Variants in TXNRD3 observed in about 807,000 individuals in gnomAD.
The protein encoded by TXNRD3 is thioredoxin reductase 3, also known as TXNRD3 neighbor gene protein.
Under a neutral mutation model 78.2 loss-of-function variants are expected in TXNRD3, and 68 were observed. The observed-to-expected ratio is 0.87, with a 90% confidence interval of 0.72 to 1.06. TXNRD3 has a LOEUF of 1.06. Among genes scored for constraint, TXNRD3 ranks in the 50% least tolerant of loss-of-function variants. The probability of loss-of-function intolerance (pLI) is 0.00; values close to 1 mark genes in which losing one functional copy is unlikely to be tolerated. For synonymous variants in TXNRD3, 296 were observed against 300.1 expected (o/e 0.99, Z 0.14); for missense variants, 751 against 809.5 (o/e 0.93, Z 0.88).
chr3:126,636,960 G>A (rs547521469), intron 6 of TXNRD3, among the ~76,000 whole-genome samples: 1 of 150,910 alleles, frequency 6.6e-6, no homozygotes. Context: ...GCTATTGTTA[G>A]TGTATTTTAT....
chr3:126,615,809 G>C lies in TXNRD3; in HGVS notation c.1525-347C>G, dbSNP rs151196141. On this transcript the variant is annotated intron_variant, in intron 12 of 15. Transcript: ENST00000524230. ...TTTTCTTTCCATGCCCATGATTCTGGGCTCTGCTCCTGGAGCACTTCTTCC... is the reference window on the plus strand; with the variant it reads ...TTTTCTTTCCATGCCCATGATTCTGCGCTCTGCTCCTGGAGCACTTCTTCC... Among the ~76,000 whole-genome samples the C allele has an allele frequency of 8.5e-5, 13 of 152,250 alleles. No homozygotes were observed. In the East Asian group the frequency reaches 2.5e-3, roughly 29 times the overall value.
intron 6 of TXNRD3, among the ~76,000 whole-genome samples, chr3:126,634,791 G>C (rs1009446929): frequency 1.1e-4 from 16 of 152,120 alleles, no homozygotes; most frequent in African/African-American, 3.4e-4. Flanking sequence ...TGAGATCCCC[G>C]AAGACAAACC....
intron 10 of TXNRD3, among the ~76,000 whole-genome samples, chr3:126,624,383 T>G (rs1029851976): frequency 6.6e-6 from 1 of 151,836 alleles, no homozygotes; most frequent in Non-Finnish European, 1.5e-5. Context: ...AAACGGTCTA[T>G]GAGAAGAGCA....
intron 6 of TXNRD3, among the ~76,000 whole-genome samples, chr3:126,636,940 T>A (rs1415938705): frequency 6.6e-6 from 1 of 151,876 alleles, no homozygotes; most frequent in South Asian, 2.1e-4. Flanking sequence ...TTTTTTTTTT[T>A]AGCTCATCAG....
rs1433558194 is a variant in TXNRD3, at chr3:126,621,996, C to T, written c.1368-98G>A. 5.8e-6 allele frequency: 6 copies of T among 1,036,228 alleles called. No homozygotes were observed. In the South Asian group the frequency reaches 8.4e-5, roughly 15 times the overall value. 64.2% of individuals were successfully genotyped at this position (1,036,228 alleles called of 1,614,324 possible). A position where few individuals can be genotyped will look rare whatever the true frequency, so the allele number is the denominator to read the frequency against. On this transcript the variant is annotated intron_variant, in intron 11 of 15. Transcript: ENST00000524230. ...GCCAAAAGACTAAATACATAGAAGA[C>T]CTCTTAAAATTCACGCACCTCAGGA...
At chr3:126,627,513 A>T (rs1938607664) in intron 10 of TXNRD3, among the ~76,000 whole-genome samples, 1 of 152,184 alleles carries the variant, frequency 6.6e-6, no homozygotes, top group South Asian at 2.1e-4. Context: ...TGAACTGTAC[A>T]CCTAGGATCT....
chr3:126,631,243 T>C (rs1331872607), intron 8 of TXNRD3, among the ~76,000 whole-genome samples: 1 of 151,970 alleles, frequency 6.6e-6, no homozygotes, highest in African/African-American at 2.4e-5. Flanking sequence ...TATGTACGTA[T>C]GTGCTATGTG....
chr3:126,651,050 C>A (rs1278696122), intron 1 of TXNRD3, among the ~76,000 whole-genome samples: 1 of 152,146 alleles, frequency 6.6e-6, no homozygotes, highest in African/African-American at 2.4e-5. Flanking sequence ...TTATTGAATG[C>A]CATTAGCAGC....
intron 4 of TXNRD3, 107 bp downstream of exon 4, chr3:126,644,190 C>A (rs1576295881): frequency 7.3e-7 from 1 of 1,362,346 alleles, no homozygotes; most frequent in Non-Finnish European, 1.0e-6. Context: ...GCTATTACAA[C>A]AAAAGCTTAA....
chr3:126,619,852 T>C (rs1938406315), intron 12 of TXNRD3, among the ~76,000 whole-genome samples: 1 of 152,002 alleles, frequency 6.6e-6, no homozygotes, highest in African/African-American at 2.4e-5. Flanking sequence ...TCATTATGTG[T>C]CAACTAAAAA....
At chr3:126,645,348 G>A (rs1440949953) in intron 3 of TXNRD3, among the ~76,000 whole-genome samples, 1 of 152,158 alleles carries the variant, frequency 6.6e-6, no homozygotes, top group African/African-American at 2.4e-5. Context: ...TTCCAAGTTA[G>A]GATTGGCAAG....
chr3:126,617,895 A>G (rs1938353623), intron 12 of TXNRD3, among the ~76,000 whole-genome samples: 1 of 152,238 alleles, frequency 6.6e-6, no homozygotes, highest in Non-Finnish European at 1.5e-5. Flanking sequence ...AAAAATCAAC[A>G]TACAAAAATC....
At position 126,629,488 on chromosome 3, in the gene TXNRD3, G is replaced by A. The variant is rs116548572; in HGVS notation, c.1198-17C>T. ...CTGTTGAACCTAGTAAGAATGAAGA[G>A]TGTAATGATGTTATCTAAATATGAT... On this transcript the variant is annotated splice_polypyrimidine_tract_variant and intron_variant, in intron 9 of 15. Transcript: ENST00000524230. 0.026 allele frequency: 39,707 copies of A among 1,504,508 alleles called. 681 individuals are homozygous for A. Among genetic ancestry groups the A allele is most frequent in the Middle Eastern group, 0.056 (329 of 5,920 alleles). 93.2% of individuals were successfully genotyped at this position (1,504,508 alleles called of 1,614,324 possible).
chr3:126,653,715 A>C (rs1220181243), intron 1 of TXNRD3, among the ~76,000 whole-genome samples: 1 of 152,228 alleles, frequency 6.6e-6, no homozygotes, highest in Non-Finnish European at 1.5e-5. Context: ...TTCTAGAGTT[A>C]AGTCTTTTAT....
chr3:126,642,187 T>G, intron 5 of TXNRD3, 36 bp from the exon 6 acceptor site: 1 of 1,515,140 alleles, frequency 6.6e-7, no homozygotes, highest in Non-Finnish European at 8.8e-7. Context: ...CTTCTTTGTG[T>G]GTCTAGTTTC....
intron 2 of TXNRD3, among the ~76,000 whole-genome samples, chr3:126,646,560 A>G (rs1436086367): frequency 6.6e-6 from 1 of 152,232 alleles, no homozygotes; most frequent in African/African-American, 2.4e-5. Flanking sequence ...AATACTTCTT[A>G]CAATTACATT....
chr3:126,623,579 G>A (rs928434544), intron 10 of TXNRD3, among the ~76,000 whole-genome samples: 1 of 152,080 alleles, frequency 6.6e-6, no homozygotes, highest in Admixed American at 6.5e-5. Context: ...CATATTAACA[G>A]AATAAAGGAG....
chr3:126,622,574 T>C (rs1938482609), intron 10 of TXNRD3, 34 bp from the exon 11 acceptor site: 4 of 1,474,758 alleles, frequency 2.7e-6, no homozygotes, highest in East Asian at 2.5e-5. Context: ...ACACAAATTA[T>C]CCATATCGGG....
rs931487992 is a variant in TXNRD3 at position 126,647,308 on chromosome 3, A to T, written c.244-12T>A. ...AAGAGTTCTTTCACCTGTAAAAAAAATTTAGCTAAGTTTCACTCTCAGAAA... is the reference window on the plus strand; with the variant it reads ...AAGAGTTCTTTCACCTGTAAAAAAATTTTAGCTAAGTTTCACTCTCAGAAA... On this transcript the variant is annotated splice_polypyrimidine_tract_variant and intron_variant, in intron 1 of 15. Transcript: ENST00000524230. 1.3e-6 allele frequency: 2 copies of T among 1,531,940 alleles called. No individual in the cohort carries two copies. Among genetic ancestry groups the T allele is most frequent in the East Asian group, 4.9e-5 (2 of 40,850 alleles). 94.9% of individuals were successfully genotyped at this position (1,531,940 alleles called of 1,614,324 possible).
Sources: allele counts gnomAD v4.1 joint callset (sites outside exome capture counted in the v4.1 genomes callset), GRCh38; gene constraint gnomAD v4.1.1; transcripts MANE v1.5; gene names NCBI Gene and HGNC (gene_info 2026-07-23, HGNC 2026-07-21).